Variants in FNBP1L observed in about 807,000 individuals in gnomAD.
FNBP1L encodes the protein formin binding protein 1 like, also known as formin-binding protein 1-like.
A neutral mutation model predicts 91.2 loss-of-function variants in FNBP1L; 36 were observed. The ratio of observed to expected loss-of-function variants is 0.39; its 90% CI spans 0.30 to 0.52. FNBP1L has a LOEUF of 0.52. Among genes scored for constraint, FNBP1L ranks in the 20% least tolerant of loss-of-function variants. FNBP1L has a pLI of 0.66. For synonymous variants in FNBP1L, 242 were observed against 237.0 expected (o/e 1.02, Z -0.19); for missense variants, 571 against 732.1 (o/e 0.78, Z 2.54).
At chr1:93,492,804 A>C (rs1670139365) in intron 1 of FNBP1L, among the ~76,000 whole-genome samples, 1 of 152,132 alleles carries the variant, frequency 6.6e-6, no homozygotes, top group Admixed American at 6.5e-5. Flanking sequence ...TAAAAAATAA[A>C]ATATAAAAAA....
intron 2 of FNBP1L, among the ~76,000 whole-genome samples, chr1:93,516,479 C>G (rs1671121292): frequency 6.6e-6 from 1 of 152,178 alleles, no homozygotes; most frequent in Admixed American, 6.5e-5. Context: ...TCTGCTTTGG[C>G]TTGTCCCTTG....
intron 1 of FNBP1L, among the ~76,000 whole-genome samples, chr1:93,453,615 A>G (rs1668565524): frequency 6.6e-6 from 1 of 152,194 alleles, no homozygotes; most frequent in African/African-American, 2.4e-5. Context: ...TTATTTAATA[A>G]TCTTCAATCT....
At chr1:93,467,069 C>T (rs2101693621) in intron 1 of FNBP1L, among the ~76,000 whole-genome samples, 1 of 152,292 alleles carries the variant, frequency 6.6e-6, no homozygotes, top group Non-Finnish European at 1.5e-5. Flanking sequence ...ATTGGCCAGG[C>T]TAGTCTTGAA....
At chr1:93,505,324 A>G (rs926525718) in intron 2 of FNBP1L, among the ~76,000 whole-genome samples, 5 of 152,122 alleles carry the variant, frequency 3.3e-5, no homozygotes, top group Non-Finnish European at 7.4e-5. Flanking sequence ...GTGCCACAAG[A>G]GTACACCGAA....
intron 12 of FNBP1L, among the ~76,000 whole-genome samples, chr1:93,544,671 GTTTAA>G (rs1672158575): frequency 6.6e-6 from 1 of 151,976 alleles, no homozygotes; most frequent in Non-Finnish European, 1.5e-5. Flanking sequence ...GTTTCCTCTA[GTTTAA>G]TTTTTTAAAA....
At chr1:93,524,365 A>G (rs1179723799) in intron 5 of FNBP1L, 42 bp downstream of exon 5, 1 of 1,388,274 alleles carries the variant, frequency 7.2e-7, no homozygotes, top group African/African-American at 1.5e-5. Flanking sequence ...AATCTTGTAG[A>G]CTAGATTAGC....
intron 1 of FNBP1L, among the ~76,000 whole-genome samples, chr1:93,485,082 T>C (rs1669853240): frequency 6.7e-6 from 1 of 148,962 alleles, no homozygotes; most frequent in South Asian, 2.1e-4. Context: ...GCCCAGGAGG[T>C]CAAGGCTGCA....
intron 2 of FNBP1L, among the ~76,000 whole-genome samples, chr1:93,517,005 C>G (rs1008571650): frequency 4.6e-5 from 7 of 150,782 alleles, no homozygotes; most frequent in Admixed American, 1.3e-4. Flanking sequence ...TCACCCTGTT[C>G]TTCCTCTTCC....
In FNBP1L at chr1:93,534,698, T is replaced by C; in HGVS notation, c.787-7T>C. The C allele has an allele frequency of 6.5e-7, 1 of 1,547,906 alleles. No homozygotes were observed. Among genetic ancestry groups the C allele is most frequent in the South Asian group, 1.2e-5 (1 of 82,196 alleles). Reference sequence around the variant, plus strand: ...AACAGTTTTAAAACCTAGTTTCTTTTGTATAGGACTCTCAAATGGTGGTAG... The same window carrying C: ...AACAGTTTTAAAACCTAGTTTCTTTCGTATAGGACTCTCAAATGGTGGTAG... On this transcript the variant is annotated splice_polypyrimidine_tract_variant and splice_region_variant and intron_variant, in intron 8 of 16. Coordinates refer to ENST00000271234, the MANE Select transcript of FNBP1L (RefSeq NM_001164473.3).
At chr1:93,490,399 A>T (rs1670053840) in intron 1 of FNBP1L, among the ~76,000 whole-genome samples, 1 of 152,228 alleles carries the variant, frequency 6.6e-6, no homozygotes, top group Non-Finnish European at 1.5e-5. Context: ...TATTTTACAA[A>T]ATTAAAAAAG....
At chr1:93,535,011 AT>A in intron 9 of FNBP1L, 103 bp downstream of exon 9, 1 of 893,112 alleles carries the variant, frequency 1.1e-6, no homozygotes, top group South Asian at 1.9e-5. Flanking sequence ...GAGAATAAAT[AT>A]TTTCAATTTG....
chr1:93,546,466 CTG>C (rs1419272538), intron 12 of FNBP1L, among the ~76,000 whole-genome samples: 7 of 152,076 alleles, frequency 4.6e-5, no homozygotes, highest in Non-Finnish European at 8.8e-5. Flanking sequence ...CTAAGGAACA[CTG>C]TGGAATAGTG....
In FNBP1L at chr1:93,448,236, C is replaced by G; in HGVS notation, c.-46C>G. The G allele has an allele frequency of 6.6e-7, 1 of 1,520,722 alleles. No homozygotes were observed. The highest frequency in any genetic ancestry group is 8.8e-7 in the Non-Finnish European group (1 of 1,133,954). 94.2% of individuals were successfully genotyped at this position (1,520,722 alleles called of 1,614,324 possible). On this transcript the variant is annotated 5_prime_UTR_variant, in exon 1 of 17. Coordinates refer to ENST00000271234, the MANE Select transcript of FNBP1L (RefSeq NM_001164473.3). Reference sequence around the variant, plus strand: ...GAGGTCGGACAGACTGTGGAGCCGACAGACTGAAGGACAGCGGCACCGCCA... The same window carrying G: ...GAGGTCGGACAGACTGTGGAGCCGAGAGACTGAAGGACAGCGGCACCGCCA...
At position 93,509,796 on chromosome 1, in the gene FNBP1L, C is replaced by G. The variant is rs559918898; in HGVS notation, c.140+10213C>G. On this transcript the variant is annotated intron_variant, in intron 2 of 16. Transcript: ENST00000271234. ...TGCTTGGGCGAGGCATTGCCTCACT[C>G]GGGAAGCGCAAGGGGTCAGGGAGTT... Among the ~76,000 whole-genome samples, 6 of 152,326 alleles carry G rather than the reference C, an allele frequency of 3.9e-5. No individual in the cohort carries two copies. The East Asian group carries it at 1.2e-3, about 29-fold the overall frequency.
At chr1:93,548,982 C>A (rs1485388337) in intron 14 of FNBP1L, among the ~76,000 whole-genome samples, 2 of 151,956 alleles carry the variant, frequency 1.3e-5, no homozygotes, top group Non-Finnish European at 2.9e-5. Flanking sequence ...GGGTCTAGAA[C>A]GTTTTTCTGT....
At chr1:93,456,056 C>G (rs1668647960) in intron 1 of FNBP1L, among the ~76,000 whole-genome samples, 1 of 152,218 alleles carries the variant, frequency 6.6e-6, no homozygotes, top group Non-Finnish European at 1.5e-5. Context: ...TCGCTTGAGC[C>G]CAGGAATGAG....
intron 4 of FNBP1L, 30 bp downstream of exon 4, chr1:93,523,521 A>G (rs1671400495): frequency 1.9e-6 from 3 of 1,577,308 alleles, no homozygotes; most frequent in Admixed American, 1.8e-5. Context: ...TCCAATTGCA[A>G]TAGTATATGA....
intron 11 of FNBP1L, among the ~76,000 whole-genome samples, chr1:93,541,926 A>G (rs969559585): frequency 6.6e-6 from 1 of 152,132 alleles, no homozygotes; most frequent in African/African-American, 2.4e-5. Flanking sequence ...ATTTGAGAAC[A>G]GGGTTTGATA....
At chr1:93,474,121 G>C (rs1187588566) in intron 1 of FNBP1L, among the ~76,000 whole-genome samples, 1 of 152,200 alleles carries the variant, frequency 6.6e-6, no homozygotes, top group East Asian at 1.9e-4. Context: ...GTGCATGCCT[G>C]TAATTCTAGC....
Sources: gnomAD v4.1 joint callset for allele counts (sites outside exome capture counted in the v4.1 genomes callset) on GRCh38, gnomAD v4.1.1 for gene constraint, MANE v1.5 for transcripts, NCBI Gene and HGNC (gene_info 2026-07-23, HGNC 2026-07-21) for gene names.